Variants in CDIN1 observed in about 807,000 individuals in gnomAD.
The protein encoded by CDIN1 is CDAN1 interacting nuclease 1.
CDIN1 carries 33 observed loss-of-function variants against 45.3 expected under a neutral mutation model. That is an observed-to-expected ratio of 0.73 (90% confidence interval 0.55 to 0.97). The LOEUF (loss-of-function observed/expected upper bound fraction) is 0.97. CDIN1 is among the 50% of genes least tolerant of loss of function. CDIN1 has a pLI of 0.00. For missense variants in CDIN1, 303 were observed against 339.4 expected (o/e 0.89, Z 0.84); for synonymous variants, 118 against 124.4 (o/e 0.95, Z 0.34).
chr15:36,718,905 G>T (rs1441379346), intron 10 of CDIN1, among the ~76,000 whole-genome samples: 2 of 135,876 alleles, frequency 1.5e-5, no homozygotes, highest in African/African-American at 2.7e-5. Flanking sequence ...TTAGAAGAAA[G>T]ATTTTAGATC....
rs969510562 is a variant in CDIN1 at position 36,774,490 on chromosome 15, A to G, written c.717-33834A>G. ...GAACCAAGAATTTAACTTTTCATTT[A>G]GCAAAAAAAAAAAAGTTTTTCTCTG... On this transcript the variant is annotated intron_variant, in intron 10 of 10. Coordinates refer to ENST00000566621, the MANE Select transcript of CDIN1 (RefSeq NM_001321759.2). 4.6e-5 allele frequency among the ~76,000 whole-genome samples: 7 copies of G among 151,838 alleles called. No individual in the cohort carries two copies. The East Asian group carries it at 1.4e-3, about 29-fold the overall frequency.
At chr15:36,617,167 C>T (rs1196028581) in intron 1 of CDIN1, 3 of 951,910 alleles carry the variant, frequency 3.2e-6, no homozygotes, top group Non-Finnish European at 5.2e-6. Flanking sequence ...AGAAATTGCT[C>T]CTGGGAATAC....
intron 10 of CDIN1, among the ~76,000 whole-genome samples, chr15:36,724,894 A>T (rs2043565640): frequency 6.6e-6 from 1 of 152,118 alleles, no homozygotes; most frequent in Non-Finnish European, 1.5e-5. Context: ...ACCATGAGTT[A>T]TGTGGGTTTA....
chr15:36,711,377 CA>C (rs1456492372), intron 10 of CDIN1, among the ~76,000 whole-genome samples: 1 of 152,084 alleles, frequency 6.6e-6, no homozygotes, highest in Non-Finnish European at 1.5e-5. Flanking sequence ...GAGCTTACTT[CA>C]AAATTCCAAA....
chr15:36,658,288 T>C (rs999348156), intron 5 of CDIN1: 1 of 155,818 alleles, frequency 6.4e-6, no homozygotes, highest in African/African-American at 2.4e-5. Flanking sequence ...TACTTCCAAA[T>C]GCAAAGGTGA....
At chr15:36,737,344 T>A (rs914611648) in intron 10 of CDIN1, among the ~76,000 whole-genome samples, 8 of 152,164 alleles carry the variant, frequency 5.3e-5, no homozygotes, top group African/African-American at 1.9e-4. Flanking sequence ...AAATATTGCA[T>A]TTGAGGCTAA....
At chr15:36,634,661 TAAG>T (rs2039820749) in intron 1 of CDIN1, among the ~76,000 whole-genome samples, 2 of 152,192 alleles carry the variant, frequency 1.3e-5, no homozygotes, top group Non-Finnish European at 2.9e-5. Context: ...CATCTGCAAA[TAAG>T]GAGGGTTTGT....
rs1252221363 is a variant in CDIN1, at chr15:36,687,873, C to T, written c.347-3812C>T. On this transcript the variant is annotated intron_variant, in intron 5 of 10. Transcript: ENST00000566621. ...ATATAAAAACACAAGGAAAGTGAAA[C>T]AAACCATATTAATATAAACATCACA... Among the ~76,000 whole-genome samples, 20 of 152,040 alleles carry T rather than the reference C, an allele frequency of 1.3e-4. No individual in the cohort carries two copies. The East Asian group carries it at 3.9e-3, about 29-fold the overall frequency.
intron 10 of CDIN1, among the ~76,000 whole-genome samples, chr15:36,718,591 T>C (rs1201663035): frequency 6.6e-6 from 1 of 152,150 alleles, no homozygotes; most frequent in Non-Finnish European, 1.5e-5. Context: ...TTGAATGATG[T>C]AAGTACTTCA....
intron 1 of CDIN1, among the ~76,000 whole-genome samples, chr15:36,607,348 A>G (rs1484872623): frequency 1.3e-5 from 2 of 152,232 alleles, no homozygotes; most frequent in East Asian, 3.8e-4. Context: ...AACATTGATG[A>G]TATAGTTCAC....
chr15:36,711,492 A>G (rs943354548), intron 10 of CDIN1, among the ~76,000 whole-genome samples: 10 of 152,168 alleles, frequency 6.6e-5, no homozygotes, highest in African/African-American at 2.4e-4. Flanking sequence ...CACCTAGATG[A>G]TAGATTTAGG....
chr15:36,602,331 C>T (rs893174197), intron 1 of CDIN1, among the ~76,000 whole-genome samples: 5 of 152,208 alleles, frequency 3.3e-5, no homozygotes, highest in African/African-American at 1.2e-4. Flanking sequence ...ATAATGAATA[C>T]TATTTCCTAC....
At chr15:36,790,392 T>C (rs1400547807) in intron 10 of CDIN1, 2 of 152,232 alleles carry the variant, frequency 1.3e-5, no homozygotes, top group Admixed American at 6.5e-5. Context: ...CAATATTGCA[T>C]ATCATCACAA....
chr15:36,630,048 G>A (rs2039616531), intron 1 of CDIN1, among the ~76,000 whole-genome samples: 1 of 152,162 alleles, frequency 6.6e-6, no homozygotes, highest in Non-Finnish European at 1.5e-5. Flanking sequence ...TGAAATAATT[G>A]TGTTAGACCA....
At chr15:36,776,372 A>G (rs2141039667) in intron 10 of CDIN1, among the ~76,000 whole-genome samples, 1 of 152,338 alleles carries the variant, frequency 6.6e-6, no homozygotes, top group East Asian at 1.9e-4. Context: ...AACTCTCTTC[A>G]TTCATTTATC....
intron 10 of CDIN1, chr15:36,756,006 A>G (rs1465234433): frequency 4.4e-6 from 2 of 453,958 alleles, no homozygotes; most frequent in East Asian, 7.0e-5. Context: ...CCAGGTCTTT[A>G]TCACCTCTGT....
rs140433725 is a variant in CDIN1, at chr15:36,727,508, A to T, written c.716+17547A>T. On this transcript the variant is annotated intron_variant, in intron 10 of 10. Coordinates refer to ENST00000566621, the MANE Select transcript of CDIN1 (RefSeq NM_001321759.2). ...CGAAAAATGTTGTCTGGCCAAATGC[A>T]TGAATATGATGGCTAGAGAATCAGT... 2.5e-3 allele frequency among the ~76,000 whole-genome samples: 388 copies of T among 152,316 alleles called. 1 individual carries two copies. Among genetic ancestry groups the T allele is most frequent in the Non-Finnish European group, 4.3e-3 (290 of 68,022 alleles).
chr15:36,727,841 T>C (rs2043694183), intron 10 of CDIN1, among the ~76,000 whole-genome samples: 1 of 152,162 alleles, frequency 6.6e-6, no homozygotes, highest in Admixed American at 6.5e-5. Flanking sequence ...ACATACCTAT[T>C]ATAAGTAGGA....
At chr15:36,622,596 C>T (rs1488927537) in intron 1 of CDIN1, among the ~76,000 whole-genome samples, 2 of 152,186 alleles carry the variant, frequency 1.3e-5, no homozygotes, top group Non-Finnish European at 2.9e-5. Context: ...TGTATTTCAC[C>T]TCAGGGGCCT....
Sources: gnomAD v4.1 joint callset for allele counts (sites outside exome capture counted in the v4.1 genomes callset) on GRCh38, gnomAD v4.1.1 for gene constraint, MANE v1.5 for transcripts, NCBI Gene and HGNC (gene_info 2026-07-23, HGNC 2026-07-21) for gene names.